Variants in TMPPE observed in about 807,000 individuals in gnomAD.
TMPPE encodes transmembrane protein with metallophosphoesterase domain.
Under a neutral mutation model 22.6 loss-of-function variants are expected in TMPPE, and 16 were observed. The observed-to-expected ratio is 0.71, with a 90% CI of 0.48 to 1.08. The LOEUF is 1.08. Among genes scored for constraint, TMPPE ranks in the 50% least tolerant of loss-of-function variants. The probability of loss-of-function intolerance (pLI) is 0.00; values close to 1 mark genes in which losing one functional copy is unlikely to be tolerated. For synonymous variants in TMPPE, 240 were observed against 245.3 expected, an observed-to-expected ratio of 0.98 and a Z score of 0.20; for missense variants, 526 against 584.3, an observed-to-expected ratio of 0.90 and a Z score of 1.03.
In TMPPE at chr3:33,093,249, C is replaced by G. The variant is rs1431273017; in HGVS notation, c.947G>C (p.Gly316Ala). ...KISATRAQRG[G>A]GGSGSGSEDE... ...CTCACTCCCACTGCCACTGCCACCACCACCACGTTGGGCCCGTGTGGCGGA... is the reference window on the plus strand; with the variant it reads ...CTCACTCCCACTGCCACTGCCACCAGCACCACGTTGGGCCCGTGTGGCGGA... The change falls in exon 2 of 2, where the codon GGT becomes GCT. Residue 316 changes from glycine to alanine, a missense_variant. Gly to Ala is a moderately conservative substitution (Grantham distance 60, BLOSUM62 0). Transcript: ENST00000342462. This position sits in a 1 kb window ranked among gnomAD's most constrained non-coding sequence, Gnocchi z 6.0. 3 of 1,614,096 alleles carry G rather than the reference C, an allele frequency of 1.9e-6. No homozygotes were observed. In the South Asian group the frequency reaches 3.3e-5, roughly 18 times the overall value.
In TMPPE at chr3:33,091,561, A is replaced by G. The variant is rs1700762447; in HGVS notation, c.*1273T>C. The G allele has an allele frequency of 2.0e-6, 2 of 985,384 alleles. No homozygotes were observed. Among genetic ancestry groups the G allele is most frequent in the African/African-American group, 3.5e-5 (2 of 57,252 alleles). The allele number at this position is 985,384 out of a possible 1,614,324, so 61.0% of individuals were successfully genotyped here. On this transcript the variant is annotated 3_prime_UTR_variant, in exon 2 of 2. Transcript: ENST00000342462. The stretch of plus-strand genomic sequence containing the variant: ...GTTGAAAAATTAACATTGAGTGTTT[A>G]CTGTGCACGCTGTGCCATGTGGAAC...
rs1360589747 is a variant in TMPPE at position 33,092,136 on chromosome 3, G to C, written c.*698C>G. The C allele has an allele frequency of 1.0e-6, 1 of 985,254 alleles. No homozygotes were observed. Among genetic ancestry groups the C allele is most frequent in the Non-Finnish European group, 1.2e-6 (1 of 830,058 alleles). 61.0% of individuals were successfully genotyped at this position (985,254 alleles called of 1,614,324 possible). On this transcript the variant is annotated 3_prime_UTR_variant, in exon 2 of 2. Transcript: ENST00000342462. ...AAGCAGCCATGTTCTCACCATCACC[G>C]ACCATGGCGCCCACCGTTCTTCTCC...
chr3:33,091,915 G>T lies in TMPPE; in HGVS notation c.*919C>A, dbSNP rs1700779939. On this transcript the variant is annotated 3_prime_UTR_variant, in exon 2 of 2. Coordinates refer to ENST00000342462, the MANE Select transcript of TMPPE (RefSeq NM_001039770.3). ...TATTGCTTCTGGCAAAAGGGCAAAA[G>T]CACCGCTTTTACTGGGAGGTACAAG... The T allele has an allele frequency of 1.0e-6, 1 of 985,306 alleles. No homozygotes were observed. The allele number at this position is 985,306 out of a possible 1,614,324, so 61.0% of individuals were successfully genotyped here. A position where few individuals can be genotyped will look rare whatever the true frequency, so the allele number is the denominator to read the frequency against.
intron 1 of TMPPE, chr3:33,096,482 C>T: frequency 1.0e-6 from 1 of 985,002 alleles, no homozygotes; most frequent in Non-Finnish European, 1.2e-6. Context: ...GGGCAGGCGA[C>T]GGGGAGTGGT....
In TMPPE at chr3:33,093,857, G is replaced by T. The variant is rs1700883680; in HGVS notation, c.339C>A (p.Leu113=). 6.2e-7 allele frequency: 1 copy of T among 1,613,786 alleles called. No homozygotes were observed. Among genetic ancestry groups the T allele is most frequent in the Non-Finnish European group, 8.5e-7 (1 of 1,179,840 alleles). Residue 113 remains leucine, a synonymous_variant, in exon 2 of 2, where the codon CTC becomes CTA. Transcript: ENST00000342462. The surrounding 1 kb of genome is among the most constrained non-coding windows in gnomAD (Gnocchi z 6.0). ...GGCAGGAGTAGGCCGCCAAGGAAAA[G>T]AGATAGGGCTCTTCGGCCACTAAAA... is the stretch of plus-strand genomic sequence containing the variant. ...MFFLVAEEPY[L]FSLAAYSCLG...
rs1037537372 is a variant in TMPPE, at chr3:33,092,196, C to A, written c.*638G>T. 7.1e-6 allele frequency: 7 copies of A among 985,860 alleles called. No individual in the cohort carries two copies. Among genetic ancestry groups the A allele is most frequent in the Admixed American group, 1.2e-4 (2 of 16,288 alleles). The allele number at this position is 985,860 out of a possible 1,614,324, so 61.1% of individuals were successfully genotyped here. ...GCCCCCAAAGGCCCAGGAGCACAGA[C>A]AGTTAAATAGCATCCCTCAAGGCCT... On this transcript the variant is annotated 3_prime_UTR_variant, in exon 2 of 2. Coordinates refer to ENST00000342462, the MANE Select transcript of TMPPE (RefSeq NM_001039770.3).
intron 1 of TMPPE, among the ~76,000 whole-genome samples, chr3:33,095,402 T>G (rs939888074): frequency 1.3e-5 from 2 of 151,954 alleles, no homozygotes; most frequent in African/African-American, 4.8e-5. Context: ...GGCGGGCGCC[T>G]GTAGTCCCAG....
rs1700816539 is a variant in TMPPE, at chr3:33,092,699, G to C, written c.*135C>G. ...AGGCCCACCATAAGTCACTGTTTGAGTCAGGCTTGTGACCAAGGGTGTGTA... is the reference window on the plus strand; with the variant it reads ...AGGCCCACCATAAGTCACTGTTTGACTCAGGCTTGTGACCAAGGGTGTGTA... On this transcript the variant is annotated 3_prime_UTR_variant, in exon 2 of 2. Coordinates refer to ENST00000342462, the MANE Select transcript of TMPPE (RefSeq NM_001039770.3). 1 of 1,446,840 alleles carries C rather than the reference G, an allele frequency of 6.9e-7. No homozygotes were observed. The allele number at this position is 1,446,840 out of a possible 1,614,324, so 89.6% of individuals were successfully genotyped here.
rs940116619 is a variant in TMPPE, at chr3:33,091,618, CA to C, written c.*1215del. The C allele has an allele frequency of 3.4e-5, 33 of 984,190 alleles. No homozygotes were observed. In the African/African-American group the frequency reaches 4.7e-4, roughly 14 times the overall value. The allele number at this position is 984,190 out of a possible 1,614,324, so 61.0% of individuals were successfully genotyped here. Reference sequence around the variant, plus strand: ...ACAAGGCTTGATGGATCCCTCCTGACAAAACAATCTTGAGGTAGATACGATA... The same window carrying C: ...ACAAGGCTTGATGGATCCCTCCTGACAAACAATCTTGAGGTAGATACGATA... On this transcript the variant is annotated 3_prime_UTR_variant, in exon 2 of 2. Coordinates refer to ENST00000342462, the MANE Select transcript of TMPPE (RefSeq NM_001039770.3).
chr3:33,096,708 T>C lies in TMPPE; in HGVS notation c.-109+11A>G, dbSNP rs997976134. On this transcript the variant is annotated intron_variant, in intron 1 of 1. Transcript: ENST00000342462. ...TCCCGGAAAGCCAACTTAGGAAATG[T>C]TTACACGCACCTCGTCTCAACACCT... 4 of 1,218,322 alleles carry C rather than the reference T, an allele frequency of 3.3e-6. No homozygotes were observed. Among genetic ancestry groups the C allele is most frequent in the African/African-American group, 1.6e-5 (1 of 62,404 alleles). 75.5% of individuals were successfully genotyped at this position (1,218,322 alleles called of 1,614,324 possible). A position where few individuals can be genotyped will look rare whatever the true frequency, so the allele number is the denominator to read the frequency against.
chr3:33,092,582 G>A lies in TMPPE; in HGVS notation c.*252C>T. ...CACATCATCTGGAAAATAGAGGGGAGTGCTAATATATGTGACCTTAGTGAT... is the reference window on the plus strand; with the variant it reads ...CACATCATCTGGAAAATAGAGGGGAATGCTAATATATGTGACCTTAGTGAT... On this transcript the variant is annotated 3_prime_UTR_variant, in exon 2 of 2. Coordinates refer to ENST00000342462, the MANE Select transcript of TMPPE (RefSeq NM_001039770.3). 1 of 1,277,482 alleles carries A rather than the reference G, an allele frequency of 7.8e-7. No individual in the cohort carries two copies. The highest frequency in any genetic ancestry group is 9.9e-7 in the Non-Finnish European group (1 of 1,010,820). The allele number at this position is 1,277,482 out of a possible 1,614,324, so 79.1% of individuals were successfully genotyped here.
Position 33,096,923 on chromosome 3 carries a change from G to C in TMPPE, c.-313C>G. 1 of 1,542,570 alleles carries C rather than the reference G, an allele frequency of 6.5e-7. No individual in the cohort carries two copies. Among genetic ancestry groups the C allele is most frequent in the Non-Finnish European group, 8.7e-7 (1 of 1,145,024 alleles). ...CGGGGCTCAGGCTCCCCGCCCTGCG[G>C]GACCGCGGGTGGCTGCGACCCCAGC... On this transcript the variant is annotated 5_prime_UTR_variant, in exon 1 of 2. Coordinates refer to ENST00000342462, the MANE Select transcript of TMPPE (RefSeq NM_001039770.3).
chr3:33,097,012 C>T lies in TMPPE; in HGVS notation c.-402G>A, dbSNP rs889228362. 2 of 1,611,820 alleles carry T rather than the reference C, an allele frequency of 1.2e-6. No homozygotes were observed. Among genetic ancestry groups the T allele is most frequent in the African/African-American group, 1.3e-5 (1 of 74,868 alleles). ...CGTACCCGGGTCCCGCAGACTTACG[C>T]GCAAGCCGCGCGTAGGGCCCAGAAG... On this transcript the variant is annotated 5_prime_UTR_variant, in exon 1 of 2. Coordinates refer to ENST00000342462, the MANE Select transcript of TMPPE (RefSeq NM_001039770.3).
At position 33,092,579 on chromosome 3, in the gene TMPPE, G is replaced by C; in HGVS notation, c.*255C>G. The stretch of plus-strand genomic sequence containing the variant: ...TTCCACATCATCTGGAAAATAGAGG[G>C]GAGTGCTAATATATGTGACCTTAGT... On this transcript the variant is annotated 3_prime_UTR_variant, in exon 2 of 2. Transcript: ENST00000342462. The C allele has an allele frequency of 8.0e-7, 1 of 1,253,988 alleles. No homozygotes were observed. Among genetic ancestry groups the C allele is most frequent in the Admixed American group, 3.6e-5 (1 of 27,666 alleles). The allele number at this position is 1,253,988 out of a possible 1,614,324, so 77.7% of individuals were successfully genotyped here. A position where few individuals can be genotyped will look rare whatever the true frequency, so the allele number is the denominator to read the frequency against.
Position 33,093,901 on chromosome 3 carries a change from T to C in TMPPE, c.295A>G (p.Ser99Gly). Residue 99 changes from serine to glycine, a missense_variant, in exon 2 of 2, where the codon AGT (serine) becomes GGT (glycine). Physicochemically the swap from Ser to Gly is moderately conservative, Grantham distance 56. Transcript: ENST00000342462. This position sits in a 1 kb window ranked among gnomAD's most constrained non-coding sequence, Gnocchi z 6.0. ...VLAFLALAHSSFFTMFFLVAE... is the reference protein window; with the variant it reads ...VLAFLALAHSGFFTMFFLVAE... ...ACTAAAAAGAACATGGTAAAGAAACTGGAATGGGCCAGGGCCAGAAATGCC... is the reference window on the plus strand; with the variant it reads ...ACTAAAAAGAACATGGTAAAGAAACCGGAATGGGCCAGGGCCAGAAATGCC... 1 of 1,613,868 alleles carries C rather than the reference T, an allele frequency of 6.2e-7. No homozygotes were observed. Among genetic ancestry groups the C allele is most frequent in the African/African-American group, 1.3e-5 (1 of 75,010 alleles).
chr3:33,091,769 A>G lies in TMPPE; in HGVS notation c.*1065T>C, dbSNP rs2125582992. On this transcript the variant is annotated 3_prime_UTR_variant, in exon 2 of 2. Coordinates refer to ENST00000342462, the MANE Select transcript of TMPPE (RefSeq NM_001039770.3). ...GTCAGAGCGAGTGTCTTCACTCCCC[A>G]TTGGAGGAAGACTTTCCATCACAAG... The G allele has an allele frequency of 1.0e-6, 1 of 985,444 alleles. No individual in the cohort carries two copies. Among genetic ancestry groups the G allele is most frequent in the East Asian group, 1.1e-4 (1 of 8,812 alleles). 61.0% of individuals were successfully genotyped at this position (985,444 alleles called of 1,614,324 possible).
chr3:33,094,171 G>C lies in TMPPE; in HGVS notation c.25C>G (p.Leu9Val), dbSNP rs1180040367. Residue 9 changes from leucine to valine, a missense_variant, in exon 2 of 2, where the codon CTA becomes GTA. Physicochemically the swap from Leu to Val is conservative, Grantham distance 32. Transcript: ENST00000342462. ...GCAGCCAGGGTGGCCTTCGCGCCTA[G>C]GGACAGCTGCCTGAAGATGGCCATT... MAIFRQLS[L>V]GAKATLAAVT... 1 of 1,607,122 alleles carries C rather than the reference G, an allele frequency of 6.2e-7. No individual in the cohort carries two copies. Among genetic ancestry groups the C allele is most frequent in the East Asian group, 2.2e-5 (1 of 44,724 alleles).
chr3:33,096,787 A>G lies in TMPPE; in HGVS notation c.-177T>C. The G allele has an allele frequency of 2.2e-6, 3 of 1,343,046 alleles. No homozygotes were observed. Among genetic ancestry groups the G allele is most frequent in the Non-Finnish European group, 2.9e-6 (3 of 1,051,666 alleles). The allele number at this position is 1,343,046 out of a possible 1,614,324, so 83.2% of individuals were successfully genotyped here. A position where few individuals can be genotyped will look rare whatever the true frequency, so the allele number is the denominator to read the frequency against. ...GCAAAGGGCGGCCGGAGCGGAACGC[A>G]CAAGCGACCGAGCTGCCTGGAAGGA... On this transcript the variant is annotated 5_prime_UTR_variant, in exon 1 of 2. Coordinates refer to ENST00000342462, the MANE Select transcript of TMPPE (RefSeq NM_001039770.3).
chr3:33,095,350 T>C (rs990917124), intron 1 of TMPPE, among the ~76,000 whole-genome samples: 20 of 150,620 alleles, frequency 1.3e-4, no homozygotes, highest in Admixed American at 2.7e-4. Context: ...ACCCCGTCTC[T>C]ACTAAAAATA....
Sources: allele counts gnomAD v4.1 joint callset (sites outside exome capture counted in the v4.1 genomes callset), GRCh38; gene constraint gnomAD v4.1.1; non-coding constraint Gnocchi (gnomAD v3.1); transcripts MANE v1.5; gene names NCBI Gene and HGNC (gene_info 2026-07-23, HGNC 2026-07-21).